GSE1: variants seen among roughly 807,000 people sequenced by gnomAD.
The protein encoded by GSE1 is genetic suppressor element 1.
A neutral mutation model predicts 112.6 loss-of-function variants in GSE1; 32 were observed. The ratio of observed to expected loss-of-function variants is 0.28; its 90% CI spans 0.21 to 0.38. The LOEUF is 0.38. Among genes scored for constraint, GSE1 ranks in the 10% least tolerant of loss-of-function variants. The probability of loss-of-function intolerance (pLI) is 1.00; values close to 1 mark genes in which losing one functional copy is unlikely to be tolerated. For missense variants in GSE1, 2,348 were observed against 1,699.2 expected (o/e 1.38, Z -6.71); for synonymous variants, 1,115 against 735.6 (o/e 1.52, Z -8.35).
intron 1 of GSE1, among the ~76,000 whole-genome samples, chr16:85,567,041 C>CCCCCA (rs1020190061): frequency 1.5e-5 from 2 of 137,426 alleles, no homozygotes; most frequent in Non-Finnish European, 3.2e-5. Context: ...CCCGCCCCCA[C>CCCCCA]CCCCACCCCC....
At chr16:85,503,712 T>C (rs1351799640) in intron 2 of GSE1, among the ~76,000 whole-genome samples, 1 of 152,202 alleles carries the variant, frequency 6.6e-6, no homozygotes, top group East Asian at 1.9e-4. Context: ...AAAAAGGCAG[T>C]GTCGAAGCAA....
intron 1 of GSE1, among the ~76,000 whole-genome samples, chr16:85,261,605 G>A (rs1000979418): frequency 5.3e-5 from 8 of 152,192 alleles, no homozygotes. Context: ...TGGTAGAGGG[G>A]ACTTGGCGGC....
chr16:85,665,883 A>T, intron 12 of GSE1, 93 bp from the exon 13 acceptor site: 1 of 1,212,890 alleles, frequency 8.2e-7, no homozygotes, highest in Non-Finnish European at 1.2e-6. Flanking sequence ...GGTCTTTGTT[A>T]AGTGTAAGCT....
At chr16:85,439,978 G>A (rs2049338834) in intron 2 of GSE1, among the ~76,000 whole-genome samples, 1 of 152,186 alleles carries the variant, frequency 6.6e-6, no homozygotes, top group Non-Finnish European at 1.5e-5. Flanking sequence ...TTACATATGT[G>A]CACATGCATG....
intron 2 of GSE1, among the ~76,000 whole-genome samples, chr16:85,448,967 C>T (rs758379664): frequency 2.0e-5 from 3 of 152,178 alleles, no homozygotes; most frequent in Admixed American, 6.5e-5. Context: ...TGCCTCTCCC[C>T]GCCCCTCCAC....
upstream of GSE1, chr16:85,611,598 G>C (rs2047987237): frequency 5.4e-6 from 3 of 557,664 alleles, no homozygotes; most frequent in Non-Finnish European, 6.8e-6. Flanking sequence ...TGGTCTGCCC[G>C]GAGCCTTGTG....
At chr16:85,498,672 A>G (rs972296756) in intron 2 of GSE1, among the ~76,000 whole-genome samples, 11 of 152,252 alleles carry the variant, frequency 7.2e-5, no homozygotes, top group African/African-American at 2.4e-4. Flanking sequence ...TCACACGTGT[A>G]TGCACACGAC....
intron 2 of GSE1, among the ~76,000 whole-genome samples, chr16:85,510,372 G>A (rs73267230): frequency 0.026 from 3,958 of 152,228 alleles, 180 homozygotes; most frequent in African/African-American, 0.09. Context: ...CTCACCCACC[G>A]CTTCCCCGCA....
chr16:85,348,376 T>C (rs1204648646), intron 1 of GSE1, among the ~76,000 whole-genome samples: 1 of 152,074 alleles, frequency 6.6e-6, no homozygotes, highest in African/African-American at 2.4e-5. Context: ...AGTTTAAAGC[T>C]ATGGGTGGGA....
intron 1 of GSE1, among the ~76,000 whole-genome samples, chr16:85,241,545 G>A (rs576642185): frequency 9.9e-5 from 15 of 152,056 alleles, no homozygotes; most frequent in African/African-American, 1.4e-4. Context: ...ACCTCACACC[G>A]CAGGGAGGGG....
rs1555559842 is a variant in GSE1, at chr16:85,312,202, T to TGCGGG, written c.2284-45259_2284-45255dup. ...CCCTCTGTGGTCTCTCTGATCCTCTTGCGGGGGGGGGGGGGACACACTTAC... is the reference window on the plus strand; with the variant it reads ...CCCTCTGTGGTCTCTCTGATCCTCTTGCGGGGCGGGGGGGGGGGGGACACACTTAC... On this transcript the variant is annotated intron_variant, in intron 1 of 2. Coordinates refer to the GSE1 transcript ENST00000637419. 6.4e-5 allele frequency among the ~76,000 whole-genome samples: 4 copies of TGCGGG among 62,550 alleles called. 1 individual carries two copies. In the African/African-American group the frequency reaches 6.5e-4, roughly 10 times the overall value. 41.0% of individuals were successfully genotyped at this position (62,550 alleles called of 152,430 possible). A position where few individuals can be genotyped will look rare whatever the true frequency, so the allele number is the denominator to read the frequency against.
intron 2 of GSE1, among the ~76,000 whole-genome samples, chr16:85,413,479 C>T (rs944090732): frequency 6.6e-6 from 1 of 151,828 alleles, no homozygotes; most frequent in Non-Finnish European, 1.5e-5. Context: ...TCACTAATGT[C>T]ACTTACACCT....
At chr16:85,451,074 CAAAAAA>C (rs57839123) in intron 2 of GSE1, among the ~76,000 whole-genome samples, 2 of 64,152 alleles carry the variant, frequency 3.1e-5, no homozygotes, top group East Asian at 5.2e-4. Flanking sequence ...AACGCCATCT[CAAAAAA>C]AAAAAAAAAA....
chr16:85,587,809 GC>G (rs1567618738), intron 1 of GSE1, among the ~76,000 whole-genome samples: 1 of 152,116 alleles, frequency 6.6e-6, no homozygotes, highest in Admixed American at 6.5e-5. Context: ...GCTGTTCCTC[GC>G]CCTACCCCCA....
intron 1 of GSE1, among the ~76,000 whole-genome samples, chr16:85,572,551 ACAACACG>A (rs972830610): frequency 2.6e-5 from 4 of 151,998 alleles, no homozygotes; most frequent in African/African-American, 9.7e-5. Flanking sequence ...CACACAACAC[ACAACACG>A]ACATACACAC....
chr16:85,246,310 T>TAC (rs779606538), intron 1 of GSE1, among the ~76,000 whole-genome samples: 51 of 21,710 alleles, frequency 2.3e-3, no homozygotes, highest in South Asian at 6.3e-3. Flanking sequence ...ACACGCTGTC[T>TAC]ACACACACAC....
chr16:85,650,076 C>G (rs889036831), intron 3 of GSE1, among the ~76,000 whole-genome samples: 1 of 152,180 alleles, frequency 6.6e-6, no homozygotes, highest in African/African-American at 2.4e-5. Context: ...CTTGCTGGAC[C>G]TCCTCTGCCC....
At chr16:85,657,855 C>T (rs1421301822) in intron 8 of GSE1, among the ~76,000 whole-genome samples, 1 of 152,200 alleles carries the variant, frequency 6.6e-6, no homozygotes, top group Non-Finnish European at 1.5e-5. Flanking sequence ...ATGTTGAGAG[C>T]CAGGGCACTG....
intron 1 of GSE1, among the ~76,000 whole-genome samples, chr16:85,300,478 C>T (rs2045490391): frequency 6.6e-6 from 1 of 152,248 alleles, no homozygotes; most frequent in African/African-American, 2.4e-5. Flanking sequence ...CCTGTAACCA[C>T]TCATCCGCTT....
Sources: gnomAD v4.1 joint callset for allele counts (sites outside exome capture counted in the v4.1 genomes callset) on GRCh38, gnomAD v4.1.1 for gene constraint, MANE v1.5 for transcripts, NCBI Gene and HGNC (gene_info 2026-07-23, HGNC 2026-07-21) for gene names.